The following VPS13B variants were observed in gnomAD, a reference collection of about 807,000 sequenced individuals.
The protein encoded by VPS13B is vacuolar protein sorting 13 homolog B.
In VPS13B, 285 loss-of-function variants were observed where a neutral mutation model predicts 426.4. The observed-to-expected ratio is 0.67, with a 90% CI of 0.61 to 0.74. The LOEUF is 0.74. Among genes scored for constraint, VPS13B ranks in the 30% least tolerant of loss-of-function variants. VPS13B has a pLI of 0.00. For synonymous variants in VPS13B, 1,676 were observed against 1,676.4 expected, an observed-to-expected ratio of 1.00 and a Z score of 0.01; for missense variants, 4,537 against 4,782.6, an observed-to-expected ratio of 0.95 and a Z score of 1.51.
chr8:99,598,718 C>T (rs1827136953), intron 33 of VPS13B, among the ~76,000 whole-genome samples: 1 of 151,858 alleles, frequency 6.6e-6, no homozygotes, highest in South Asian at 2.1e-4. Context: ...ATTGAGCATT[C>T]CTTCCTTTGC....
intron 48 of VPS13B, 77 bp from the exon 49 acceptor site, chr8:99,819,844 G>A (rs2130817177): frequency 6.4e-7 from 1 of 1,552,132 alleles, no homozygotes; most frequent in Non-Finnish European, 8.9e-7. Flanking sequence ...TGGTGTGTTT[G>A]GAATCTTTAA....
At chr8:99,647,399 A>G (rs1385371733) in intron 34 of VPS13B, among the ~76,000 whole-genome samples, 2 of 145,096 alleles carry the variant, frequency 1.4e-5, no homozygotes, top group Non-Finnish European at 3.1e-5. Flanking sequence ...CCGTCTCTAC[A>G]AAAATACAAA....
At chr8:99,682,187 C>T (rs754887586) in intron 35 of VPS13B, among the ~76,000 whole-genome samples, 4 of 152,094 alleles carry the variant, frequency 2.6e-5, no homozygotes, top group Non-Finnish European at 1.5e-5. Flanking sequence ...TAGTGCTGTC[C>T]AAGCATGGTG....
intron 17 of VPS13B, chr8:99,234,086 C>A: frequency 1.3e-6 from 1 of 785,456 alleles, no homozygotes; most frequent in Middle Eastern, 3.1e-4. Flanking sequence ...TGAGAAGAGC[C>A]CCCAGGGCGT....
At chr8:99,034,161 A>G (rs1842637137) in intron 2 of VPS13B, among the ~76,000 whole-genome samples, 1 of 152,042 alleles carries the variant, frequency 6.6e-6, no homozygotes, top group African/African-American at 2.4e-5. Flanking sequence ...TTATTTGTTT[A>G]TTGACTTGCC....
intron 3 of VPS13B, among the ~76,000 whole-genome samples, chr8:99,054,628 A>G (rs1396963902): frequency 2.3e-4 from 35 of 152,266 alleles, no homozygotes. Context: ...CTAAGAGTTC[A>G]TTGCTTTATC....
intron 17 of VPS13B, chr8:99,234,551 C>T (rs539410620): frequency 1.1e-4 from 50 of 443,064 alleles, no homozygotes; most frequent in South Asian, 7.2e-4. Context: ...GGCTGGGGTT[C>T]GGGGGCCGCG....
chr8:99,678,826 C>T (rs962516804), intron 35 of VPS13B, among the ~76,000 whole-genome samples: 2 of 152,166 alleles, frequency 1.3e-5, no homozygotes, highest in African/African-American at 4.8e-5. Flanking sequence ...TTCAAAAAAG[C>T]AGGATAAATG....
intron 2 of VPS13B, among the ~76,000 whole-genome samples, chr8:99,017,160 T>A (rs932512101): frequency 5.3e-5 from 8 of 152,054 alleles, no homozygotes; most frequent in African/African-American, 1.7e-4. Flanking sequence ...TCATCTCAAA[T>A]TTTTTTTCTG....
chr8:99,846,516 CCTAA>C (rs1255537048), intron 54 of VPS13B, among the ~76,000 whole-genome samples: 2 of 152,170 alleles, frequency 1.3e-5, no homozygotes, highest in Non-Finnish European at 2.9e-5. Flanking sequence ...CACTCAGGTA[CCTAA>C]CTATCTAACC....
chr8:99,776,726 A>T, intron 40 of VPS13B, 49 bp from the exon 41 acceptor site: 1 of 1,586,144 alleles, frequency 6.3e-7, no homozygotes, highest in South Asian at 1.1e-5. Context: ...CTCATATAAT[A>T]TTGGGAAATT....
At chr8:99,305,656 T>G (rs1011127590) in intron 19 of VPS13B, among the ~76,000 whole-genome samples, 1 of 152,142 alleles carries the variant, frequency 6.6e-6, no homozygotes, top group Admixed American at 6.6e-5. Flanking sequence ...TGTTTACTTT[T>G]AGGCATATGG....
At chr8:99,116,177 A>T (rs539774210) in intron 7 of VPS13B, among the ~76,000 whole-genome samples, 1 of 148,456 alleles carries the variant, frequency 6.7e-6, no homozygotes, top group African/African-American at 2.5e-5. Context: ...ACAGACATGC[A>T]TCACCACGCC....
At position 99,861,246 on chromosome 8, in the gene VPS13B, TG is replaced by T. The variant is rs1816817328; in HGVS notation, c.11045-529del. On this transcript the variant is annotated intron_variant, in intron 57 of 61. Coordinates refer to ENST00000357162, the MANE Select transcript of VPS13B (RefSeq NM_152564.5). ...CCTGCGATTCTTACCCTTTGAAGAG[TG>T]TCATCACCCCTGTGGGCAAGTGTTC... Among the ~76,000 whole-genome samples the T allele has an allele frequency of 2.0e-5, 3 of 152,258 alleles. No homozygotes were observed. In the South Asian group the frequency reaches 6.2e-4, roughly 32 times the overall value.
chr8:99,677,918 T>C (rs1831006803), intron 35 of VPS13B, among the ~76,000 whole-genome samples: 1 of 152,164 alleles, frequency 6.6e-6, no homozygotes. Context: ...CTGCAGTTTT[T>C]TTCCTTACTC....
Position 99,257,377 on chromosome 8 carries a change from G to C in VPS13B, c.2516-16821G>C, listed in dbSNP as rs557716595. Among the ~76,000 whole-genome samples the C allele has an allele frequency of 8.5e-5, 13 of 152,244 alleles. No homozygotes were observed. In the South Asian group the frequency reaches 2.7e-3, roughly 32 times the overall value. ...TGTTGGAGTCTCGATTTCATAGTTA[G>C]GTAATTAGCCTTGTAGGATGACAAT... On this transcript the variant is annotated intron_variant, in intron 17 of 61. Transcript: ENST00000357162.
At chr8:99,348,659 G>C (rs1453274090) in intron 19 of VPS13B, among the ~76,000 whole-genome samples, 1 of 151,862 alleles carries the variant, frequency 6.6e-6, no homozygotes, top group African/African-American at 2.4e-5. Flanking sequence ...ATATAAAATT[G>C]GTCATATCAT....
chr8:99,451,490 A>G (rs994217939), intron 23 of VPS13B, among the ~76,000 whole-genome samples: 1 of 152,260 alleles, frequency 6.6e-6, no homozygotes, highest in African/African-American at 2.4e-5. Context: ...AATCTTATGT[A>G]TTGCTGGCTA....
At chr8:99,589,378 C>T (rs1450123852) in intron 33 of VPS13B, among the ~76,000 whole-genome samples, 1 of 151,528 alleles carries the variant, frequency 6.6e-6, no homozygotes, top group Non-Finnish European at 1.5e-5. Context: ...ACAACAGTCC[C>T]CAGTGTGTGA....
Sources: gnomAD v4.1 joint callset for allele counts (sites outside exome capture counted in the v4.1 genomes callset) on GRCh38, gnomAD v4.1.1 for gene constraint, MANE v1.5 for transcripts, NCBI Gene and HGNC (gene_info 2026-07-23, HGNC 2026-07-21) for gene names.